NSMF: variants seen among roughly 807,000 people sequenced by gnomAD.
The protein encoded by NSMF is nasal embryonic LHRH factor.
Under a neutral mutation model 71.0 loss-of-function variants are expected in NSMF, and 31 were observed. That is an observed-to-expected ratio of 0.44 (90% CI 0.33 to 0.59). The LOEUF (loss-of-function observed/expected upper bound fraction) is 0.59, where lower values mean the gene tolerates loss of function less well. Ranked by LOEUF, NSMF falls within the 20% of genes least tolerant of loss-of-function variation. The pLI is 0.04. For missense variants in NSMF, 673 were observed against 740.5 expected (o/e 0.91, Z 1.06); for synonymous variants, 345 against 287.1 (o/e 1.20, Z -2.04).
chr9:137,454,529 T>C, intron 6 of NSMF, 86 bp from the exon 7 acceptor site: 1 of 1,549,258 alleles, frequency 6.5e-7, no homozygotes, highest in Non-Finnish European at 8.7e-7. Context: ...GTCATGGCTC[T>C]ACTCTCACCC....
rs111611764 is a variant in NSMF at position 137,453,497 on chromosome 9, C to T, written c.922+234G>A. On this transcript the variant is annotated intron_variant, in intron 8 of 15. Coordinates refer to ENST00000371475, the MANE Select transcript of NSMF (RefSeq NM_001130969.3). This position sits in a 1 kb window ranked among gnomAD's most constrained non-coding sequence, Gnocchi z 4.5. ...GCCCCCTGCCCCTGAGGGCCTCTTG[C>T]GAGTGGCGGTGGGCACGGCCCTACA... 5 of 597,180 alleles carry T rather than the reference C, an allele frequency of 8.4e-6. No individual in the cohort carries two copies. Among genetic ancestry groups the T allele is most frequent in the African/African-American group, 3.7e-5 (2 of 53,648 alleles). The allele number at this position is 597,180 out of a possible 1,614,324, so 37.0% of individuals were successfully genotyped here.
Position 137,457,802 on chromosome 9 carries a change from C to T in NSMF, c.233G>A (p.Cys78Tyr). 1 of 1,558,436 alleles carries T rather than the reference C, an allele frequency of 6.4e-7. No individual in the cohort carries two copies. Among genetic ancestry groups the T allele is most frequent in the Non-Finnish European group, 8.7e-7 (1 of 1,151,204 alleles). The change falls in exon 3 of 16, where the codon TGC (cysteine) becomes TAC (tyrosine). Residue 78 changes from cysteine (C) to tyrosine (Y), a missense_variant. This residue lies in a region of NSMF where 471 missense variants were observed against 459.6 expected (regional missense o/e 1.02). Transcript: ENST00000371475. ...KRRLSLVSNG[C>Y]YEGSLSEEPS... is the part of the protein sequence containing the mutation. ...CTCCTCTGAGAGGCTGCCCTCGTAG[C>T]AGCCGTTGGAGACGAGGGACAGGCG...
At chr9:137,452,988 G>C in intron 9 of NSMF, 68 bp downstream of exon 9, 1 of 1,605,736 alleles carries the variant, frequency 6.2e-7, no homozygotes, top group South Asian at 1.1e-5. Context: ...AGGCAGAGCT[G>C]GCTGGACTCG....
rs1160153375 is a variant in NSMF, at chr9:137,453,392, G to A, written c.923-212C>T. 2.9e-6 allele frequency: 2 copies of A among 679,802 alleles called. No homozygotes were observed. The highest frequency in any genetic ancestry group is 5.5e-5 in the East Asian group (2 of 36,314). The allele number at this position is 679,802 out of a possible 1,614,324, so 42.1% of individuals were successfully genotyped here. ...TGTGGGAAGGGAGACCCTGGTGCGA[G>A]GCCGGTGGAAGGCGCGTGCAGGCAT... On this transcript the variant is annotated intron_variant, in intron 8 of 15. Coordinates refer to ENST00000371475, the MANE Select transcript of NSMF (RefSeq NM_001130969.3). The surrounding 1 kb of genome is among the most constrained non-coding windows in gnomAD (Gnocchi z 4.5).
At chr9:137,449,739 TG>T in intron 14 of NSMF, 65 bp from the exon 15 acceptor site, 1 of 1,473,208 alleles carries the variant, frequency 6.8e-7, no homozygotes, top group African/African-American at 1.4e-5. Flanking sequence ...GGGGAGGAGA[TG>T]GGGAGCAGGG....
chr9:137,452,233 A>T (rs1830570039), intron 12 of NSMF, 132 bp downstream of exon 12: 1 of 785,348 alleles, frequency 1.3e-6, no homozygotes, highest in Non-Finnish European at 2.0e-6. Flanking sequence ...TCCCCCACAA[A>T]CACCTCTTCC....
intron 13 of NSMF, 26 bp downstream of exon 13, chr9:137,450,150 C>A: frequency 1.9e-6 from 3 of 1,610,092 alleles, no homozygotes; most frequent in Middle Eastern, 1.7e-4. Flanking sequence ...CAGCCCTCCC[C>A]GCGCCCAGGG....
At chr9:137,458,958 G>C (rs1206724319) in intron 1 of NSMF, 74 bp downstream of exon 1, 44 of 1,159,902 alleles carry the variant, frequency 3.8e-5, no homozygotes, top group Non-Finnish European at 4.3e-5. Context: ...GGGGAGCACC[G>C]CGGGGCAGGG....
chr9:137,458,872 G>GGCA (rs1476140489), intron 1 of NSMF, among the ~76,000 whole-genome samples, 160 bp downstream of exon 1: 1 of 152,138 alleles, frequency 6.6e-6, no homozygotes, highest in Non-Finnish European at 1.5e-5. Context: ...GGAAGAGCAG[G>GGCA]GCAGGGGACC....
chr9:137,458,635 C>T, intron 1 of NSMF, 86 bp from the exon 2 acceptor site: 1 of 1,288,002 alleles, frequency 7.8e-7, no homozygotes, highest in Non-Finnish European at 1.1e-6. Context: ...GTCCGGTCCC[C>T]AGCCAGGCCC....
At position 137,453,924 on chromosome 9, in the gene NSMF, T is replaced by G; in HGVS notation, c.833-104A>C. 1 of 961,284 alleles carries G rather than the reference T, an allele frequency of 1.0e-6. No homozygotes were observed. Among genetic ancestry groups the G allele is most frequent in the Non-Finnish European group, 1.6e-6 (1 of 631,628 alleles). 59.5% of individuals were successfully genotyped at this position (961,284 alleles called of 1,614,324 possible). Reference sequence around the variant, plus strand: ...AGGGGCCCTGGGCAGAGGAGGAAGCTAATGTGGGTGGGGTCTAAGGCACAT... The same window carrying G: ...AGGGGCCCTGGGCAGAGGAGGAAGCGAATGTGGGTGGGGTCTAAGGCACAT... On this transcript the variant is annotated intron_variant, in intron 7 of 15. Transcript: ENST00000371475. This position sits in a 1 kb window ranked among gnomAD's most constrained non-coding sequence, Gnocchi z 4.5.
intron 6 of NSMF, chr9:137,454,758 C>T: frequency 7.0e-7 from 1 of 1,438,048 alleles, no homozygotes. Flanking sequence ...CCTGAGCCTC[C>T]ACGCCCATGT....
chr9:137,451,955 C>A (rs1381377194), intron 12 of NSMF, among the ~76,000 whole-genome samples: 1 of 29,860 alleles, frequency 3.3e-5, no homozygotes, highest in Non-Finnish European at 7.0e-5. Flanking sequence ...CTTGGTCTCC[C>A]CCAGCCACAC....
Position 137,449,399 on chromosome 9 carries a change from G to A in NSMF, c.1588C>T (p.Leu530=). The part of the protein sequence containing the change: ...HSKLLDFDDV[L] ...TGGGCGGAGGCCTCTGCCCCTCACAGGACGTCGTCAAAGTCCAGCAGCTTC... is the reference window on the plus strand; with the variant it reads ...TGGGCGGAGGCCTCTGCCCCTCACAAGACGTCGTCAAAGTCCAGCAGCTTC... Residue 530 remains leucine (L), a synonymous_variant, in exon 16 of 16, where the codon CTG becomes TTG. Coordinates refer to ENST00000371475, the MANE Select transcript of NSMF (RefSeq NM_001130969.3). 1 of 1,612,582 alleles carries A rather than the reference G, an allele frequency of 6.2e-7. No individual in the cohort carries two copies. Among genetic ancestry groups the A allele is most frequent in the African/African-American group, 1.3e-5 (1 of 75,034 alleles).
chr9:137,452,698 A>T, intron 10 of NSMF, 38 bp downstream of exon 10: 1 of 1,602,562 alleles, frequency 6.2e-7, no homozygotes, highest in East Asian at 2.2e-5. Context: ...GGGCCGCAAG[A>T]GGGCATCTGT....
In NSMF at chr9:137,457,757, G is replaced by T. The variant is rs765522311; in HGVS notation, c.278C>A (p.Ala93Glu). Residue 93 changes from alanine to glutamate, a missense_variant, in exon 3 of 16, where the codon GCA (alanine) becomes GAA (glutamate). Around this residue, in one of 2 missense-constraint regions of NSMF, gnomAD observed 471 missense variants for 459.6 expected, o/e 1.02. Coordinates refer to ENST00000371475, the MANE Select transcript of NSMF (RefSeq NM_001130969.3). ...CACTCGAGGCTGAGGGCCCTCGCCT[G>T]CGGGCTTCCTAATGCTGGGCTCCTC... ...LSEEPSIRKP[A>E]GEGPQPRVYT... 6.4e-7 allele frequency: 1 copy of T among 1,559,678 alleles called. No homozygotes were observed. Among genetic ancestry groups the T allele is most frequent in the African/African-American group, 1.4e-5 (1 of 73,970 alleles).
intron 2 of NSMF, 99 bp from the exon 3 acceptor site, chr9:137,458,000 C>A: frequency 6.6e-7 from 1 of 1,508,004 alleles, no homozygotes; most frequent in Non-Finnish European, 8.9e-7. Flanking sequence ...GGGCACCTGG[C>A]CTCTGTGGGG....
Position 137,455,038 on chromosome 9 carries a change from C to G in NSMF, c.779+201G>C, listed in dbSNP as rs1017255640. On this transcript the variant is annotated intron_variant, in intron 6 of 15. Coordinates refer to ENST00000371475, the MANE Select transcript of NSMF (RefSeq NM_001130969.3). Reference sequence around the variant, plus strand: ...CAGCCCAGACAGAGACACGTGCCCTCGGAGTGCAGGACTGAGGGTGAGATG... The same window carrying G: ...CAGCCCAGACAGAGACACGTGCCCTGGGAGTGCAGGACTGAGGGTGAGATG... 6.8e-6 allele frequency: 5 copies of G among 736,130 alleles called. No individual in the cohort carries two copies. The East Asian group carries it at 1.3e-4, about 20-fold the overall frequency. 45.6% of individuals were successfully genotyped at this position (736,130 alleles called of 1,614,324 possible).
chr9:137,454,863 T>A, intron 6 of NSMF: 1 of 645,554 alleles, frequency 1.5e-6, no homozygotes, highest in East Asian at 1.4e-4. Flanking sequence ...CCCCCTCTCC[T>A]GCTCTGTGTC....
Sources: gnomAD v4.1 joint callset for allele counts (sites outside exome capture counted in the v4.1 genomes callset) on GRCh38, gnomAD v4.1.1 for gene constraint, gnomAD v4.1.1 regional missense constraint, Gnocchi (gnomAD v3.1) non-coding constraint, MANE v1.5 for transcripts, NCBI Gene and HGNC (gene_info 2026-07-23, HGNC 2026-07-21) for gene names.